Variants in CPLX1 observed in about 807,000 individuals in gnomAD.
The protein encoded by CPLX1 is complexin-1.
CPLX1 carries 6 observed loss-of-function variants against 15.6 expected under a neutral mutation model. That is an observed-to-expected ratio of 0.39 (90% CI 0.21 to 0.76). The LOEUF is 0.76. CPLX1 is among the 30% of genes least tolerant of loss of function. CPLX1 has a pLI of 0.43. For synonymous variants in CPLX1, 91 were observed against 75.2 expected (o/e 1.21, Z -1.08); for missense variants, 242 against 188.6 (o/e 1.28, Z -1.66).
At chr4:819,975 G>A (rs1027387132) in intron 2 of CPLX1, among the ~76,000 whole-genome samples, 44 of 152,164 alleles carry the variant, frequency 2.9e-4, no homozygotes, top group African/African-American at 3.1e-4. Context: ...CTGACACATC[G>A]TCACCCCAAT....
At chr4:821,579 G>A (rs536797295) in intron 2 of CPLX1, among the ~76,000 whole-genome samples, 3 of 152,314 alleles carry the variant, frequency 2.0e-5, no homozygotes, top group East Asian at 3.9e-4. Flanking sequence ...GTTCCTCCAC[G>A]CTGTCCACAG....
At chr4:788,242 C>G in intron 3 of CPLX1, 1 of 985,232 alleles carries the variant, frequency 1.0e-6, no homozygotes, top group Non-Finnish European at 1.2e-6. Flanking sequence ...CCCCTCCTTC[C>G]TCCCAAATGG....
At chr4:791,274 C>A (rs1746167149) in intron 3 of CPLX1, among the ~76,000 whole-genome samples, 2 of 151,816 alleles carry the variant, frequency 1.3e-5, no homozygotes, top group African/African-American at 4.8e-5. Context: ...GTCCAGTGAC[C>A]CTGGGTGGGA....
chr4:801,548 C>A (rs193027533), intron 2 of CPLX1, among the ~76,000 whole-genome samples: 3 of 152,260 alleles, frequency 2.0e-5, no homozygotes, highest in South Asian at 2.1e-4. Context: ...TGCTTAGGTA[C>A]GCAAATACTC....
intron 3 of CPLX1, among the ~76,000 whole-genome samples, chr4:790,964 GTCTCTGTCTCTCCCTCTGTCTTC>G (rs1746153605): frequency 4.5e-5 from 6 of 133,396 alleles, no homozygotes; most frequent in Non-Finnish European, 9.7e-5. Flanking sequence ...CCCTCTCTGT[GTCTCTGTCTCTCCCTCTGTCTTC>G]TCTCTGTCTC....
At chr4:815,761 G>C (rs1231603475) in intron 2 of CPLX1, among the ~76,000 whole-genome samples, 1 of 152,226 alleles carries the variant, frequency 6.6e-6, no homozygotes, top group Non-Finnish European at 1.5e-5. Context: ...GAAGCACCGT[G>C]AGAGGCTGTT....
rs146943295 is a variant in CPLX1, at chr4:814,756, G to A, written c.31+9736C>T. Among the ~76,000 whole-genome samples, 26 of 152,394 alleles carry A rather than the reference G, an allele frequency of 1.7e-4. No individual in the cohort carries two copies. The Middle Eastern group carries it at 0.01, about 60-fold the overall frequency. ...CTGTGCCAGAGTGATGGCCAGGCAG[G>A]CAGAGCCTGTACATGGAGCAGACAC... On this transcript the variant is annotated intron_variant, in intron 2 of 3. Coordinates refer to ENST00000304062, the MANE Select transcript of CPLX1 (RefSeq NM_006651.4).
chr4:796,740 C>T (rs1447915982), intron 2 of CPLX1, among the ~76,000 whole-genome samples: 1 of 152,204 alleles, frequency 6.6e-6, no homozygotes, highest in Non-Finnish European at 1.5e-5. Context: ...GACGTCCATC[C>T]TCCCCAAACT....
intron 2 of CPLX1, among the ~76,000 whole-genome samples, chr4:794,581 C>A (rs1746278890): frequency 6.6e-6 from 1 of 152,196 alleles, no homozygotes; most frequent in African/African-American, 2.4e-5. Context: ...CTGCCTCCAG[C>A]GGGCTGTCTC....
At chr4:798,138 G>A (rs918360642) in intron 2 of CPLX1, among the ~76,000 whole-genome samples, 4 of 152,014 alleles carry the variant, frequency 2.6e-5, no homozygotes, top group African/African-American at 9.7e-5. Context: ...AGCTGGGTGT[G>A]GTGGCGTGTG....
chr4:805,803 A>G (rs1481871392), intron 2 of CPLX1, among the ~76,000 whole-genome samples: 1 of 152,256 alleles, frequency 6.6e-6, no homozygotes, highest in Non-Finnish European at 1.5e-5. Flanking sequence ...ACAAACTGCA[A>G]CATGGATGAA....
At chr4:825,428 G>C (rs1322930756) in intron 1 of CPLX1, among the ~76,000 whole-genome samples, 5 of 151,552 alleles carry the variant, frequency 3.3e-5, no homozygotes, top group African/African-American at 1.2e-4. Context: ...AGCGCCCCTC[G>C]GAGGCTTTGC....
intron 2 of CPLX1, among the ~76,000 whole-genome samples, chr4:810,025 C>T (rs897070512): frequency 2.0e-5 from 3 of 151,370 alleles, no homozygotes; most frequent in East Asian, 1.9e-4. Context: ...TTCCTGCACA[C>T]GTCTGTGTGG....
chr4:802,292 C>T (rs1291255620), intron 2 of CPLX1, among the ~76,000 whole-genome samples: 2 of 152,170 alleles, frequency 1.3e-5, no homozygotes, highest in Non-Finnish European at 2.9e-5. Context: ...TGTAAAAGGC[C>T]AGATACAAAT....
At chr4:825,324 C>G (rs1746957529) in intron 1 of CPLX1, among the ~76,000 whole-genome samples, 1 of 152,196 alleles carries the variant, frequency 6.6e-6, no homozygotes, top group African/African-American at 2.4e-5. Context: ...TCGGGGAACC[C>G]CAGGTCCCTG....
At chr4:787,939 C>G in intron 3 of CPLX1, 1 of 985,366 alleles carries the variant, frequency 1.0e-6, no homozygotes, top group Non-Finnish European at 1.2e-6. Context: ...GACTTCCATC[C>G]CCTGAACAGG....
intron 2 of CPLX1, among the ~76,000 whole-genome samples, chr4:794,057 C>T (rs73060336): frequency 0.082 from 12,535 of 152,304 alleles, 574 homozygotes; most frequent in South Asian, 0.14. Flanking sequence ...GAGCCTGGGG[C>T]GACGCCCTCG....
intron 3 of CPLX1, chr4:788,053 G>A (rs1227769190): frequency 3.0e-6 from 3 of 985,426 alleles, no homozygotes; most frequent in Non-Finnish European, 3.6e-6. Context: ...AGGGGAGTGG[G>A]CACCAGCACT....
At chr4:787,713 C>T (rs1746043309) in intron 3 of CPLX1, 1 of 985,082 alleles carries the variant, frequency 1.0e-6, no homozygotes, top group African/African-American at 1.7e-5. Flanking sequence ...CTCCAGGCCT[C>T]TAAGTTTTTG....
Sources: allele counts gnomAD v4.1 joint callset (sites outside exome capture counted in the v4.1 genomes callset), GRCh38; gene constraint gnomAD v4.1.1; transcripts MANE v1.5; gene names NCBI Gene and HGNC (gene_info 2026-07-23, HGNC 2026-07-21).